The following FBP1 variants were observed in gnomAD, a reference collection of about 807,000 sequenced individuals.
The protein encoded by FBP1 is fructose-bisphosphatase 1, also known as fructose-1,6-bisphosphatase 1.
FBP1 carries 22 observed loss-of-function variants against 29.9 expected under a neutral mutation model. The ratio of observed to expected loss-of-function variants is 0.74; its 90% CI spans 0.53 to 1.05. FBP1 has a LOEUF of 1.05. FBP1 is among the 50% of genes least tolerant of loss of function. The pLI, the probability that FBP1 is intolerant of heterozygous loss-of-function variation, is 0.00. For synonymous variants in FBP1, 175 were observed against 178.6 expected, an observed-to-expected ratio of 0.98 and a Z score of 0.16; for missense variants, 345 against 448.2, an observed-to-expected ratio of 0.77 and a Z score of 2.08.
chr9:94,605,663 A>G (rs1429872176), intron 5 of FBP1, 87 bp from the exon 6 acceptor site: 45 of 1,334,130 alleles, frequency 3.4e-5, no homozygotes, highest in Middle Eastern at 3.6e-4. Flanking sequence ...TTGATTCCAC[A>G]TCCATTCACC....
intron 1 of FBP1, among the ~76,000 whole-genome samples, chr9:94,624,555 A>G (rs1323108619): frequency 2.0e-5 from 3 of 151,916 alleles, no homozygotes; most frequent in Non-Finnish European, 4.4e-5. Context: ...TGGGAAGCTG[A>G]GGCAGGAGAA....
At chr9:94,622,615 C>A (rs924776855) in intron 1 of FBP1, among the ~76,000 whole-genome samples, 1 of 152,266 alleles carries the variant, frequency 6.6e-6, no homozygotes, top group African/African-American at 2.4e-5. Flanking sequence ...CGTCTTTCAG[C>A]CACTCTTGGC....
chr9:94,629,472 G>A (rs774427722), intron 1 of FBP1, among the ~76,000 whole-genome samples: 23 of 152,166 alleles, frequency 1.5e-4, no homozygotes, highest in African/African-American at 5.1e-4. Context: ...TGTTAACTAG[G>A]AAGCCTGTTA....
At chr9:94,615,764 G>A (rs568620418) in intron 3 of FBP1, among the ~76,000 whole-genome samples, 1 of 151,662 alleles carries the variant, frequency 6.6e-6, no homozygotes, top group South Asian at 2.1e-4. Context: ...TATTTGAAAG[G>A]AAATTATGTA....
intron 1 of FBP1, among the ~76,000 whole-genome samples, chr9:94,622,939 C>G (rs1827969107): frequency 6.6e-6 from 1 of 152,036 alleles, no homozygotes; most frequent in Non-Finnish European, 1.5e-5. Context: ...TCCTTTCCAG[C>G]CTGAGAGTTG....
chr9:94,613,785 G>GAA lies in FBP1; in HGVS notation c.427-3726_427-3725dup, dbSNP rs35169885. 3.5e-3 allele frequency among the ~76,000 whole-genome samples: 512 copies of GAA among 144,986 alleles called. 5 individuals are homozygous for GAA. The highest frequency in any genetic ancestry group is 0.012 in the African/African-American group (474 of 39,444). On this transcript the variant is annotated intron_variant, in intron 3 of 6. Transcript: ENST00000375326. ...GTCTCAAAAAAAAGAAAAAAAAGAA[G>GAA]AAAAAAAAAAGGCCGGACGCAGTGG...
At chr9:94,625,178 A>G (rs1828004370) in intron 1 of FBP1, among the ~76,000 whole-genome samples, 1 of 152,060 alleles carries the variant, frequency 6.6e-6, no homozygotes, top group Non-Finnish European at 1.5e-5. Flanking sequence ...GAGAGGTTAC[A>G]GTCAGTGTCA....
rs1377001234 is a variant in FBP1 at position 94,603,379 on chromosome 9, G to T, written c.*2C>A. ...TTCTCCGGATGCAGGCAGGGCAGGT[G>T]CTCACTGGGCAGAGTGCTTCTCATA... On this transcript the variant is annotated 3_prime_UTR_variant, in exon 7 of 7. Transcript: ENST00000375326. The T allele has an allele frequency of 2.5e-6, 4 of 1,612,756 alleles. No homozygotes were observed. The highest frequency in any genetic ancestry group is 3.4e-6 in the Non-Finnish European group (4 of 1,179,340).
intron 4 of FBP1, among the ~76,000 whole-genome samples, chr9:94,609,510 G>A (rs1167055561): frequency 6.6e-6 from 1 of 152,112 alleles, no homozygotes; most frequent in African/African-American, 2.4e-5. Context: ...ATTAATAGAA[G>A]CCTTGGCAAG....
chr9:94,603,536 CG>C lies in FBP1; in HGVS notation c.861del (p.Tyr287Ter). The C allele has an allele frequency of 1.2e-6, 2 of 1,614,178 alleles. No homozygotes were observed. The highest frequency in any genetic ancestry group is 1.7e-6 in the Non-Finnish European group (2 of 1,180,028). Reference protein sequence around the residue: ...RLLYECNPMAYVMEKAGGMAT... With the variant: ...RLLYECNPMAXVMEKAGGMAT... ...GCCATTCCCCCAGCCTTCTCCATGA[CG>C]TAGGCCATGGGGTTGCATTCGTACA... On this transcript the variant is annotated frameshift_variant, in exon 7 of 7. Coordinates refer to ENST00000375326, the MANE Select transcript of FBP1 (RefSeq NM_000507.4). LOFTEE classifies it high-confidence loss of function.
Position 94,639,441 on chromosome 9 carries a change from C to CAGTAGGCA in FBP1, c.-132_-131insTGCCTACT. On this transcript the variant is annotated 5_prime_UTR_variant, in exon 1 of 7. Transcript: ENST00000375326. ...TGCAGGTGCGGGCGGCAGGTGCGGG[C>CAGTAGGCA]CGCGGGACCTGGCGGGAGGACTGAC... is the stretch of plus-strand genomic sequence containing the variant. 1.9e-6 allele frequency: 2 copies of CAGTAGGCA among 1,059,916 alleles called. No individual in the cohort carries two copies. Among genetic ancestry groups the CAGTAGGCA allele is most frequent in the Middle Eastern group, 3.0e-4 (1 of 3,374 alleles). The allele number at this position is 1,059,916 out of a possible 1,614,324, so 65.7% of individuals were successfully genotyped here.
At chr9:94,639,094 C>CCAGG in intron 1 of FBP1, 47 bp downstream of exon 1, 4 of 1,554,784 alleles carry the variant, frequency 2.6e-6, no homozygotes, top group Non-Finnish European at 1.7e-6. Flanking sequence ...GGCAGGCTCC[C>CCAGG]CAGGCAGACA....
chr9:94,627,677 C>G (rs1157364404), intron 1 of FBP1, among the ~76,000 whole-genome samples: 1 of 152,190 alleles, frequency 6.6e-6, no homozygotes, highest in African/African-American at 2.4e-5. Flanking sequence ...GGTGATGACA[C>G]CAACTACCCT....
chr9:94,639,785 G>A (rs975165695), upstream of FBP1, among the ~76,000 whole-genome samples: 1 of 151,028 alleles, frequency 6.6e-6, no homozygotes, highest in Non-Finnish European at 1.5e-5. Context: ...TCGGGCCATC[G>A]GACTCTGCCA....
intron 1 of FBP1, among the ~76,000 whole-genome samples, chr9:94,635,664 C>T (rs370467865): frequency 3.2e-4 from 49 of 152,318 alleles, no homozygotes; most frequent in African/African-American, 9.9e-4. Context: ...AATGGCCAAA[C>T]GCTGAACTTC....
intron 1 of FBP1, among the ~76,000 whole-genome samples, chr9:94,627,818 C>A (rs1828047364): frequency 6.6e-6 from 1 of 152,182 alleles, no homozygotes; most frequent in African/African-American, 2.4e-5. Flanking sequence ...CATCACACGA[C>A]CCTGTCCAAA....
At chr9:94,621,231 A>G (rs1164877404) in intron 1 of FBP1, among the ~76,000 whole-genome samples, 2 of 144,394 alleles carry the variant, frequency 1.4e-5, no homozygotes, top group African/African-American at 5.2e-5. Context: ...AAAAAAAAAA[A>G]AAAAAATACA....
Position 94,603,274 on chromosome 9 carries a change from T to TA in FBP1, c.*106dup. 2 of 926,946 alleles carry TA rather than the reference T, an allele frequency of 2.2e-6. No individual in the cohort carries two copies. The highest frequency in any genetic ancestry group is 3.3e-5 in the African/African-American group (2 of 61,144). The allele number at this position is 926,946 out of a possible 1,614,324, so 57.4% of individuals were successfully genotyped here. ...TGATGGTGGAAATAGTCATGCTTTT[T>TA]ATTTCTGCTCTCTAGGAATGTAAGG... On this transcript the variant is annotated 3_prime_UTR_variant, in exon 7 of 7. Transcript: ENST00000375326.
intron 1 of FBP1, among the ~76,000 whole-genome samples, chr9:94,625,819 G>A (rs770402742): frequency 4.4e-4 from 67 of 151,450 alleles, no homozygotes; most frequent in Non-Finnish European, 8.1e-4. Flanking sequence ...GGAGCTGCCC[G>A]CGTCCACCAA....
Sources: allele counts gnomAD v4.1 joint callset (sites outside exome capture counted in the v4.1 genomes callset), GRCh38; gene constraint gnomAD v4.1.1; transcripts MANE v1.5; gene names NCBI Gene and HGNC (gene_info 2026-07-23, HGNC 2026-07-21).